The following PPM1J variants were observed in gnomAD, a reference collection of about 807,000 sequenced individuals.
The protein encoded by PPM1J is protein phosphatase 1J.
A neutral mutation model predicts 53.3 loss-of-function variants in PPM1J; 43 were observed. The observed-to-expected ratio is 0.81, with a 90% CI of 0.63 to 1.04. The LOEUF (loss-of-function observed/expected upper bound fraction) is 1.04, where lower values mean the gene tolerates loss of function less well. PPM1J is among the 50% of genes least tolerant of loss of function. The pLI, the probability that PPM1J is intolerant of heterozygous loss-of-function variation, is 0.00. For missense variants in PPM1J, 635 were observed against 685.9 expected (o/e 0.93, Z 0.83); for synonymous variants, 267 against 286.4 (o/e 0.93, Z 0.68).
Position 112,710,869 on chromosome 1 carries a change from G to A in PPM1J, c.1111-18C>T. 1 of 1,609,484 alleles carries A rather than the reference G, an allele frequency of 6.2e-7. No homozygotes were observed. Among genetic ancestry groups the A allele is most frequent in the South Asian group, 1.1e-5 (1 of 90,998 alleles). Reference sequence around the variant, plus strand: ...ACCCGAGCCTGAAAGAAATGAGGAGGGAGTGCCACTGTAGTCCTCTGCTAG... The same window carrying A: ...ACCCGAGCCTGAAAGAAATGAGGAGAGAGTGCCACTGTAGTCCTCTGCTAG... On this transcript the variant is annotated intron_variant, in intron 7 of 9. Coordinates refer to ENST00000309276, the MANE Select transcript of PPM1J (RefSeq NM_005167.7).
chr1:112,714,512 G>A (rs568790007), intron 1 of PPM1J: 1,378 of 989,330 alleles, frequency 1.4e-3, no homozygotes, highest in Non-Finnish European at 1.6e-3. Flanking sequence ...GAGGGGGAGG[G>A]GAACTACGGT....
intron 1 of PPM1J, chr1:112,714,707 G>A: frequency 1.6e-6 from 2 of 1,227,780 alleles, no homozygotes; most frequent in South Asian, 7.7e-5. Flanking sequence ...CGCCCTCCGG[G>A]CTCTGGGGCA....
Position 112,712,014 on chromosome 1 carries a change from C to A in PPM1J, c.884G>T (p.Arg295Leu). ...VRNGEIIPMS[R>L]EFTPETERQR... ...GCGCTCAGTCTCCGGGGTAAACTCCCGGGACATTGGAATGATTTCACCATT... is the reference window on the plus strand; with the variant it reads ...GCGCTCAGTCTCCGGGGTAAACTCCAGGGACATTGGAATGATTTCACCATT... The change falls in exon 5 of 10, where the codon CGG becomes CTG. Residue 295 changes from arginine to leucine, a missense_variant. Physicochemically the swap from Arg to Leu is moderately radical, Grantham distance 102 (BLOSUM62 -2). Coordinates refer to ENST00000309276, the MANE Select transcript of PPM1J (RefSeq NM_005167.7). 2 of 1,610,872 alleles carry A rather than the reference C, an allele frequency of 1.2e-6. No homozygotes were observed. Among genetic ancestry groups the A allele is most frequent in the South Asian group, 1.1e-5 (1 of 90,690 alleles).
chr1:112,711,963 C>T lies in PPM1J; in HGVS notation c.927+8G>A, dbSNP rs1675073796. On this transcript the variant is annotated splice_region_variant and intron_variant, in intron 5 of 9. Coordinates refer to ENST00000309276, the MANE Select transcript of PPM1J (RefSeq NM_005167.7). ...AGAATGGGGGTAGGGAATTTGGTTCCTACTTACAAGCAGCTGAAGACGCTG... is the reference window on the plus strand; with the variant it reads ...AGAATGGGGGTAGGGAATTTGGTTCTTACTTACAAGCAGCTGAAGACGCTG... 1 of 1,595,774 alleles carries T rather than the reference C, an allele frequency of 6.3e-7. No individual in the cohort carries two copies. Among genetic ancestry groups the T allele is most frequent in the Non-Finnish European group, 8.6e-7 (1 of 1,167,468 alleles).
In PPM1J at chr1:112,710,777, C is replaced by T; in HGVS notation, c.1185G>A (p.Leu395=). 5.0e-6 allele frequency: 8 copies of T among 1,614,098 alleles called. No homozygotes were observed. The highest frequency in any genetic ancestry group is 6.8e-6 in the Non-Finnish European group (8 of 1,179,970). Residue 395 remains leucine, a synonymous_variant, in exon 8 of 10, where the codon CTG becomes CTA. Transcript: ENST00000309276. ...AGCAGGAGAGAAAGGGCTTGATGGG[C>T]AGGGTGGAACTGCAGACCTTAAGGC... ...DHSLKVCSST[L]PIKPFLSCFP...
rs768311528 is a variant in PPM1J, at chr1:112,712,353, G to A, written c.834C>T (p.Gly278=). ...LLGKVYVANA[G]DSRAIIVRNG... ...AGCCCCCTCCCCCATACCTGCTATC[G>A]CCTGCATTGGCCACGTACACCTTGC... Residue 278 remains glycine, a synonymous_variant, in exon 4 of 10, where the codon GGC becomes GGT. Coordinates refer to ENST00000309276, the MANE Select transcript of PPM1J (RefSeq NM_005167.7). The A allele has an allele frequency of 4.3e-6, 7 of 1,610,940 alleles. No homozygotes were observed. Among genetic ancestry groups the A allele is most frequent in the African/African-American group, 1.3e-5 (1 of 74,640 alleles).
At chr1:112,711,930 C>T (rs1196601731) in intron 5 of PPM1J, 41 bp downstream of exon 5, 13 of 1,440,194 alleles carry the variant, frequency 9.0e-6, no homozygotes, top group South Asian at 2.4e-5. Flanking sequence ...AGGCACAAGA[C>T]CCGACAAAGA....
rs188850855 is a variant in PPM1J at position 112,712,648 on chromosome 1, G to A, written c.729+96C>T. 1.8e-4 allele frequency: 234 copies of A among 1,320,918 alleles called. 1 individual carries two copies. The African/African-American group carries it at 3.2e-3, about 18-fold the overall frequency. The allele number at this position is 1,320,918 out of a possible 1,614,324, so 81.8% of individuals were successfully genotyped here. On this transcript the variant is annotated intron_variant, in intron 3 of 9. Transcript: ENST00000309276. Reference sequence around the variant, plus strand: ...ACCAAGCTCTGCTCAGGCTCTCAAAGGTGTTGTGGGTTCTCAGGGTAACCC... The same window carrying A: ...ACCAAGCTCTGCTCAGGCTCTCAAAAGTGTTGTGGGTTCTCAGGGTAACCC...
chr1:112,715,060 C>A lies in PPM1J; in HGVS notation c.242G>T (p.Arg81Leu). Residue 81 changes from arginine (R) to leucine (L), a missense_variant, in exon 1 of 10, where the codon CGA (arginine) becomes CTA (leucine). Arg to Leu is a moderately radical substitution (Grantham distance 102, BLOSUM62 -2). Transcript: ENST00000309276. This position sits in a 1 kb window ranked among gnomAD's most constrained non-coding sequence, Gnocchi z 4.4. ...TFLQLSPGGLRRADDHAGRAV... is the reference protein window; with the variant it reads ...TFLQLSPGGLLRADDHAGRAV... ...CCGGCCCGCGTGGTCATCGGCGCGT[C>A]GCAGCCCCCCGGGGCTCAGCTGCAG... 1 of 1,541,352 alleles carries A rather than the reference C, an allele frequency of 6.5e-7. No homozygotes were observed. Among genetic ancestry groups the A allele is most frequent in the Non-Finnish European group, 8.7e-7 (1 of 1,153,104 alleles).
intron 1 of PPM1J, chr1:112,714,504 G>T (rs1270021283): frequency 1.0e-6 from 1 of 988,336 alleles, no homozygotes; most frequent in Non-Finnish European, 1.2e-6. Flanking sequence ...TGGGTGTGGA[G>T]GGGGAGGGGA....
rs375288932 is a variant in PPM1J at position 112,711,238 on chromosome 1, C to T, written c.1046+28G>A. The T allele has an allele frequency of 2.7e-5, 42 of 1,559,256 alleles. No homozygotes were observed. The Middle Eastern group carries it at 6.7e-4, about 25-fold the overall frequency. On this transcript the variant is annotated intron_variant, in intron 6 of 9. Transcript: ENST00000309276. ...GGGACTGGTTGTGTTGCCATGGGAA[C>T]GGGCCCCAGCTCTGAGGGAAGTGTT...
intron 5 of PPM1J, 41 bp downstream of exon 5, chr1:112,711,930 C>A (rs1196601731): frequency 2.1e-6 from 3 of 1,440,196 alleles, no homozygotes; most frequent in Non-Finnish European, 2.9e-6. Context: ...AGGCACAAGA[C>A]CCGACAAAGA....
intron 1 of PPM1J, chr1:112,714,041 C>T (rs1176614585): frequency 9.5e-7 from 1 of 1,051,230 alleles, no homozygotes; most frequent in East Asian, 7.2e-5. Context: ...GCACCTCATC[C>T]TCATGGGCAC....
At position 112,712,916 on chromosome 1, in the gene PPM1J, T is replaced by C; in HGVS notation, c.557A>G (p.Glu186Gly). ...HIREQLKDLV[E>G]ILQDPSPPPL... ...TGGTGGCGAAGGGTCCTGAAGTATCTCTACCAGGTCCTTTAGCTGCTCTCG... is the reference window on the plus strand; with the variant it reads ...TGGTGGCGAAGGGTCCTGAAGTATCCCTACCAGGTCCTTTAGCTGCTCTCG... Residue 186 changes from glutamate to glycine, a missense_variant, in exon 3 of 10, where the codon GAG (glutamate) becomes GGG (glycine). By Grantham distance (98) the Glu-to-Gly change is moderately conservative (BLOSUM62 -2). Coordinates refer to ENST00000309276, the MANE Select transcript of PPM1J (RefSeq NM_005167.7). The C allele has an allele frequency of 6.2e-7, 1 of 1,614,016 alleles. No individual in the cohort carries two copies. Among genetic ancestry groups the C allele is most frequent in the East Asian group, 2.2e-5 (1 of 44,890 alleles).
In PPM1J at chr1:112,710,827, C is replaced by G. The variant is rs766753773; in HGVS notation, c.1135G>C (p.Val379Leu). 1.5e-5 allele frequency: 24 copies of G among 1,613,772 alleles called. No homozygotes were observed. The East Asian group carries it at 3.3e-4, about 22-fold the overall frequency. ...KKARVMATIG[V>L]TRGLGDHSLK... ...CTGTGGTCTCCCAAGCCTCGGGTCA[C>G]CCCAATGGTGGCCATCACCCGAGCC... is the stretch of plus-strand genomic sequence containing the variant. Residue 379 changes from valine to leucine, a missense_variant, in exon 8 of 10, where the codon GTG becomes CTG. Coordinates refer to ENST00000309276, the MANE Select transcript of PPM1J (RefSeq NM_005167.7).
rs1675178013 is a variant in PPM1J at position 112,715,330 on chromosome 1, G to T, written c.-29C>A. 8.2e-7 allele frequency: 1 copy of T among 1,222,320 alleles called. No individual in the cohort carries two copies. The highest frequency in any genetic ancestry group is 1.0e-6 in the Non-Finnish European group (1 of 981,142). 75.7% of individuals were successfully genotyped at this position (1,222,320 alleles called of 1,614,324 possible). ...GCCTCCCTGCCCCGCCCTCGGCCGC[G>T]GCCCCGCCCCCGCCCAGGCCCCGCC... On this transcript the variant is annotated 5_prime_UTR_variant, in exon 1 of 10. Coordinates refer to ENST00000309276, the MANE Select transcript of PPM1J (RefSeq NM_005167.7). The surrounding 1 kb of genome is among the most constrained non-coding windows in gnomAD (Gnocchi z 4.4).
At chr1:112,712,223 C>G in intron 4 of PPM1J, 122 bp downstream of exon 4, 2 of 957,016 alleles carry the variant, frequency 2.1e-6, no homozygotes, top group Non-Finnish European at 3.2e-6. Context: ...CTCCTTATGT[C>G]TGTCACCCCT....
At chr1:112,712,141 A>G in intron 4 of PPM1J, 86 bp from the exon 5 acceptor site, 1 of 1,194,316 alleles carries the variant, frequency 8.4e-7, no homozygotes, top group Non-Finnish European at 1.2e-6. Flanking sequence ...CCCTCTCCAT[A>G]ATGACCTTTC....
At position 112,712,758 on chromosome 1, in the gene PPM1J, C is replaced by T; in HGVS notation, c.715G>A (p.Ala239Thr). ...ESLVVGAVEN[A>T]FQLMDEQMAR... ...CACCCACTCACCATGAGCTGGAAGGCATTCTCAACGGCCCCCACTACCAGG... is the reference window on the plus strand; with the variant it reads ...CACCCACTCACCATGAGCTGGAAGGTATTCTCAACGGCCCCCACTACCAGG... Residue 239 changes from alanine (A) to threonine (T), a missense_variant, in exon 3 of 10, where the codon GCC (alanine) becomes ACC (threonine). Physicochemically the swap from Ala to Thr is moderately conservative, Grantham distance 58. Transcript: ENST00000309276. 6.2e-7 allele frequency: 1 copy of T among 1,609,360 alleles called. No homozygotes were observed. The highest frequency in any genetic ancestry group is 1.3e-5 in the African/African-American group (1 of 74,974).
Sources: allele counts gnomAD v4.1 joint callset, GRCh38; gene constraint gnomAD v4.1.1; non-coding constraint Gnocchi (gnomAD v3.1); transcripts MANE v1.5; gene names NCBI Gene and HGNC (gene_info 2026-07-23, HGNC 2026-07-21).